XIRP1: variants seen among roughly 807,000 people sequenced by gnomAD.
XIRP1 encodes xin actin-binding repeat-containing protein 1.
For synonymous variants in XIRP1, 984 were observed against 947.0 expected (o/e 1.04, Z -0.72); for missense variants, 2,378 against 2,345.4 (o/e 1.01, Z -0.29).
rs777638244 is a variant in XIRP1 at position 39,186,526 on chromosome 3, G to A, written c.2920C>T (p.Pro974Ser). Residue 974 changes from proline to serine, a missense_variant, in exon 2 of 2, where the codon CCC (proline) becomes TCC (serine). Physicochemically the swap from Pro to Ser is moderately conservative, Grantham distance 74. Transcript: ENST00000340369. ...ATCCCCATGCTGGGGTCCAGTGGGG[G>A]AACATGGATGATGCTCTCAGTTGGG... The part of the protein sequence containing the change: ...LHPTESIIHV[P>S]PLDPSMGMGH... 3.1e-6 allele frequency: 5 copies of A among 1,612,892 alleles called. 1 individual carries two copies. In the South Asian group the frequency reaches 5.5e-5, roughly 18 times the overall value.
chr3:39,191,778 C>A (rs1181483332), intron 1 of XIRP1, among the ~76,000 whole-genome samples: 1 of 152,210 alleles, frequency 6.6e-6, no homozygotes, highest in Non-Finnish European at 1.5e-5. Context: ...CAGCTGGCTC[C>A]ATATGTCTTT....
At chr3:39,189,590 A>T in intron 1 of XIRP1, 65 bp from the exon 2 acceptor site, 1 of 1,236,148 alleles carries the variant, frequency 8.1e-7, no homozygotes. Flanking sequence ...ACGCTTAGAG[A>T]CTCCTTCCCT....
At position 39,187,615 on chromosome 3, in the gene XIRP1, C is replaced by T. The variant is rs2040006128; in HGVS notation, c.1831G>A (p.Gly611Arg). The change falls in exon 2 of 2, where the codon GGG becomes AGG. Residue 611 changes from glycine to arginine, a missense_variant. By Grantham distance (125) the Gly-to-Arg change is moderately radical. Coordinates refer to ENST00000340369, the MANE Select transcript of XIRP1 (RefSeq NM_194293.4). The part of the protein sequence containing the change: ...CPMSELAEKQ[G>R]SEVTDPTAKA... ...GCTGTGGGATCTGTGACCTCTGACC[C>T]CTGCTTTTCGGCCAACTCACTCATT... The T allele has an allele frequency of 1.9e-6, 3 of 1,614,144 alleles. No homozygotes were observed. Among genetic ancestry groups the T allele is most frequent in the Non-Finnish European group, 2.5e-6 (3 of 1,180,050 alleles).
intron 1 of XIRP1, among the ~76,000 whole-genome samples, chr3:39,190,417 G>A (rs1041116388): frequency 3.9e-4 from 59 of 152,190 alleles, no homozygotes; most frequent in African/African-American, 1.3e-3. Flanking sequence ...CATAGAACCC[G>A]TCTATTCCCC....
At position 39,187,467 on chromosome 3, in the gene XIRP1, C is replaced by T. The variant is rs374062592; in HGVS notation, c.1979G>A (p.Arg660Lys). The change falls in exon 2 of 2, where the codon AGA becomes AAA. Residue 660 changes from arginine (R) to lysine (K), a missense_variant. Transcript: ENST00000340369. ...QVPAGERQTD[R>K]HVFETEPLQA... ...AAGAGGCTCGGTCTCAAAGACGTGTCTGTCTGTCTGTCTTTCCCCAGCCGG... is the reference window on the plus strand; with the variant it reads ...AAGAGGCTCGGTCTCAAAGACGTGTTTGTCTGTCTGTCTTTCCCCAGCCGG... 6.2e-7 allele frequency: 1 copy of T among 1,612,346 alleles called. No individual in the cohort carries two copies. Among genetic ancestry groups the T allele is most frequent in the Admixed American group, 1.7e-5 (1 of 59,820 alleles).
In XIRP1 at chr3:39,186,324, G is replaced by A. The variant is rs1335123718; in HGVS notation, c.3122C>T (p.Thr1041Ile). Residue 1041 changes from threonine (T) to isoleucine (I), a missense_variant, in exon 2 of 2, where the codon ACT (threonine) becomes ATT (isoleucine). Transcript: ENST00000340369. ...TGGGGCCCCAGGCCCCGGAGGGGTA[G>A]TCGTGGCTCCTTCTGACTTTCCCAA... Reference protein sequence around the residue: ...AVLGKSEGATTTPPGPGAPDL... With the variant: ...AVLGKSEGATITPPGPGAPDL... The A allele has an allele frequency of 3.1e-6, 5 of 1,614,034 alleles. No homozygotes were observed. The South Asian group carries it at 3.3e-5, about 11-fold the overall frequency.
chr3:39,188,997 C>G lies in XIRP1; in HGVS notation c.449G>C (p.Gly150Ala), dbSNP rs2125903502. The change falls in exon 2 of 2, where the codon GGA (glycine) becomes GCA (alanine). Residue 150 changes from glycine to alanine, a missense_variant. Physicochemically the swap from Gly to Ala is moderately conservative, Grantham distance 60. Coordinates refer to ENST00000340369, the MANE Select transcript of XIRP1 (RefSeq NM_194293.4). ...DQEPTRPQPG[G>A]GDVRAARWLF... The stretch of plus-strand genomic sequence containing the variant: ...CCAGCGGGCTGCACGAACGTCTCCT[C>G]CACCTGGCTGGGGCCTGGTTGGCTC... The G allele has an allele frequency of 6.2e-7, 1 of 1,613,870 alleles. No individual in the cohort carries two copies. Among genetic ancestry groups the G allele is most frequent in the Middle Eastern group, 1.7e-4 (1 of 6,060 alleles).
At chr3:39,191,360 C>T (rs1451005953) in intron 1 of XIRP1, among the ~76,000 whole-genome samples, 1 of 148,342 alleles carries the variant, frequency 6.7e-6, no homozygotes, top group Admixed American at 6.7e-5. Context: ...AGCTTCACCC[C>T]ACCCCCGCCC....
chr3:39,184,009 G>A lies in XIRP1; in HGVS notation c.5437C>T (p.Gln1813Ter). The change falls in exon 2 of 2, where the codon CAG becomes TAG. Residue 1813 changes from glutamine to a stop codon, truncating the protein, a stop_gained. Transcript: ENST00000340369. LOFTEE classifies it low-confidence loss of function (END_TRUNC). ...AACCCAGCTGGGCTGTGCAGGAACT[G>A]CCTCAGCAAGGGGGAGGCGTGGAGC... Reference protein sequence around the residue: ...LGLHASPLLRQFLHSPAGFSS... With the variant: ...LGLHASPLLR 2 of 1,613,132 alleles carry A rather than the reference G, an allele frequency of 1.2e-6. No individual in the cohort carries two copies. Among genetic ancestry groups the A allele is most frequent in the Non-Finnish European group, 1.7e-6 (2 of 1,179,832 alleles).
Position 39,189,009 on chromosome 3 carries a change from G to C in XIRP1, c.437C>G (p.Pro146Arg), listed in dbSNP as rs2040044075. Residue 146 changes from proline (P) to arginine (R), a missense_variant, in exon 2 of 2, where the codon CCC becomes CGC. Coordinates refer to ENST00000340369, the MANE Select transcript of XIRP1 (RefSeq NM_194293.4). ...ACGAACGTCTCCTCCACCTGGCTGGGGCCTGGTTGGCTCCTGGTCTGTGCT... is the reference window on the plus strand; with the variant it reads ...ACGAACGTCTCCTCCACCTGGCTGGCGCCTGGTTGGCTCCTGGTCTGTGCT... ...ANSTDQEPTR[P>R]QPGGGDVRAA... 3 of 1,613,978 alleles carry C rather than the reference G, an allele frequency of 1.9e-6. No homozygotes were observed. Among genetic ancestry groups the C allele is most frequent in the Non-Finnish European group, 2.5e-6 (3 of 1,180,048 alleles).
chr3:39,183,809 T>A lies in XIRP1; in HGVS notation c.*105A>T. 7.0e-7 allele frequency: 1 copy of A among 1,437,574 alleles called. No individual in the cohort carries two copies. Among genetic ancestry groups the A allele is most frequent in the Non-Finnish European group, 9.1e-7 (1 of 1,093,510 alleles). 89.1% of individuals were successfully genotyped at this position (1,437,574 alleles called of 1,614,324 possible). ...CACAGTAATCCTCTGAAGATGCCATTTCCTCTTGGTCCTTGCTCCAGTGTA... is the reference window on the plus strand; with the variant it reads ...CACAGTAATCCTCTGAAGATGCCATATCCTCTTGGTCCTTGCTCCAGTGTA... On this transcript the variant is annotated 3_prime_UTR_variant, in exon 2 of 2. Transcript: ENST00000340369.
Position 39,184,622 on chromosome 3 carries a change from TG to T in XIRP1, c.4823del (p.Ala1608GlufsTer76). The T allele has an allele frequency of 6.2e-7, 1 of 1,613,786 alleles. No individual in the cohort carries two copies. Among genetic ancestry groups the T allele is most frequent in the Non-Finnish European group, 8.5e-7 (1 of 1,179,798 alleles). On this transcript the variant is annotated frameshift_variant, in exon 2 of 2. Coordinates refer to ENST00000340369, the MANE Select transcript of XIRP1 (RefSeq NM_194293.4). LOFTEE classifies it low-confidence loss of function (END_TRUNC). ...ATTCAACCTTGGCTTGGTTCTTGAC[TG>T]CAGTTTGACCTCCGACCTCCTGGCC... ...GSGQEVGGQT[A>X]VKNQAKVECH...
rs746866052 is a variant in XIRP1, at chr3:39,185,261, G to T, written c.4185C>A (p.Ser1395Arg). 2.8e-5 allele frequency: 45 copies of T among 1,614,100 alleles called. No homozygotes were observed. The highest frequency in any genetic ancestry group is 3.3e-4 in the Middle Eastern group (2 of 6,082). ...TGAGGCCATGTTGTAAGCTGGGCTG[G>T]CTATGTCCACTGGGACATCTGGCCA... The part of the protein sequence containing the change: ...IPLARCPSGH[S>R]QPSLQHGLST... Residue 1395 changes from serine (S) to arginine (R), a missense_variant, in exon 2 of 2, where the codon AGC (serine) becomes AGA (arginine). Coordinates refer to ENST00000340369, the MANE Select transcript of XIRP1 (RefSeq NM_194293.4).
chr3:39,185,712 G>T lies in XIRP1; in HGVS notation c.3734C>A (p.Ala1245Asp), dbSNP rs2039956296. ...AAAGGCATTATGGGGGTGCGGGCTG[G>T]CACCTGCAGCTTGGGGCCCAGAGGC... ...ILASGPQAAG[A>D]SPHPHNAFVP... The change falls in exon 2 of 2, where the codon GCC (alanine) becomes GAC (aspartate). Residue 1245 changes from alanine to aspartate, a missense_variant. By Grantham distance (126) the Ala-to-Asp change is moderately radical. Transcript: ENST00000340369. The T allele has an allele frequency of 1.9e-6, 3 of 1,610,802 alleles. No homozygotes were observed. The highest frequency in any genetic ancestry group is 2.5e-6 in the Non-Finnish European group (3 of 1,178,202).
In XIRP1 at chr3:39,186,744, T is replaced by C; in HGVS notation, c.2702A>G (p.Glu901Gly). ...GGCAGTCAGTGCGACCAGGCCCTGC[T>C]CTGTCTCCTGCATCACCAGCCCAGT... is the stretch of plus-strand genomic sequence containing the variant. The part of the protein sequence containing the change: ...ARTGLVMQET[E>G]QGLVALTAYS... Residue 901 changes from glutamate to glycine, a missense_variant, in exon 2 of 2, where the codon GAG (glutamate) becomes GGG (glycine). By Grantham distance (98) the Glu-to-Gly change is moderately conservative. Transcript: ENST00000340369. 2 of 1,614,034 alleles carry C rather than the reference T, an allele frequency of 1.2e-6. No individual in the cohort carries two copies. Among genetic ancestry groups the C allele is most frequent in the Non-Finnish European group, 1.7e-6 (2 of 1,180,042 alleles).
In XIRP1 at chr3:39,188,191, A is replaced by C; in HGVS notation, c.1255T>G (p.Ser419Ala). 1 of 1,614,142 alleles carries C rather than the reference A, an allele frequency of 6.2e-7. No homozygotes were observed. Among genetic ancestry groups the C allele is most frequent in the Non-Finnish European group, 8.5e-7 (1 of 1,180,036 alleles). Reference protein sequence around the residue: ...DGEGHLSSDSSSALPFSQSAP... With the variant: ...DGEGHLSSDSASALPFSQSAP... ...CTCTGAGAGAAGGGCAGTGCTGAGG[A>C]GCTGTCACTGGATAGATGCCCCTCA... Residue 419 changes from serine (S) to alanine (A), a missense_variant, in exon 2 of 2, where the codon TCC becomes GCC. Ser to Ala is a moderately conservative substitution (Grantham distance 99). Transcript: ENST00000340369.
At position 39,185,672 on chromosome 3, in the gene XIRP1, A is replaced by C. The variant is rs1405049224; in HGVS notation, c.3774T>G (p.Pro1258=). 6.2e-7 allele frequency: 1 copy of C among 1,612,860 alleles called. No homozygotes were observed. The highest frequency in any genetic ancestry group is 8.5e-7 in the Non-Finnish European group (1 of 1,179,362). ...GTCCTGTCACAGCAGCTGGGAGAGT[A>C]GGAGGAGGAGGAACAAAGGCATTAT... ...HPHNAFVPPP[P]TLPAAVTGPD... Residue 1258 remains proline (P), a synonymous_variant, in exon 2 of 2, where the codon CCT becomes CCG. Transcript: ENST00000340369.
rs755645649 is a variant in XIRP1, at chr3:39,186,186, T to A, written c.3260A>T (p.Asn1087Ile). ...KQGPTPTATS[N>I]PIQDGLRKAG... is the part of the protein sequence containing the mutation. ...TTTCCGAAGACCGTCCTGGATGGGGTTGGAAGTGGCTGTTGGGGTGGGGCC... is the reference window on the plus strand; with the variant it reads ...TTTCCGAAGACCGTCCTGGATGGGGATGGAAGTGGCTGTTGGGGTGGGGCC... The change falls in exon 2 of 2, where the codon AAC becomes ATC. Residue 1087 changes from asparagine to isoleucine, a missense_variant. By Grantham distance (149) the Asn-to-Ile change is moderately radical. Coordinates refer to ENST00000340369, the MANE Select transcript of XIRP1 (RefSeq NM_194293.4). The A allele has an allele frequency of 6.2e-7, 1 of 1,613,866 alleles. No individual in the cohort carries two copies. The highest frequency in any genetic ancestry group is 8.5e-7 in the Non-Finnish European group (1 of 1,179,918).
intron 1 of XIRP1, among the ~76,000 whole-genome samples, chr3:39,189,736 G>A (rs941191503): frequency 3.9e-5 from 6 of 152,198 alleles, no homozygotes; most frequent in African/African-American, 1.4e-4. Flanking sequence ...GCTAGGGAGT[G>A]ACCATGGTAC....
Sources: allele counts gnomAD v4.1 joint callset (sites outside exome capture counted in the v4.1 genomes callset), GRCh38; gene constraint gnomAD v4.1.1; transcripts MANE v1.5; gene names NCBI Gene and HGNC (gene_info 2026-07-23, HGNC 2026-07-21).